DOCK4: variants seen among roughly 807,000 people sequenced by gnomAD.
The protein encoded by DOCK4 is dedicator of cytokinesis protein 4.
Under a neutral mutation model 268.1 loss-of-function variants are expected in DOCK4, and 97 were observed. The ratio of observed to expected loss-of-function variants is 0.36; its 90% CI spans 0.31 to 0.43. DOCK4 has a LOEUF of 0.43. Among genes scored for constraint, DOCK4 ranks in the 20% least tolerant of loss-of-function variants. DOCK4 has a pLI of 1.00. For missense variants in DOCK4, 2,145 were observed against 2,455.7 expected (o/e 0.87, Z 2.67); for synonymous variants, 954 against 887.2 (o/e 1.08, Z -1.34).
chr7:111,913,455 G>A (rs1263110294), intron 13 of DOCK4, among the ~76,000 whole-genome samples: 1 of 149,644 alleles, frequency 6.7e-6, no homozygotes, highest in Non-Finnish European at 1.5e-5. Context: ...TGTCGCCCAG[G>A]CTGGAGTGCA....
intron 1 of DOCK4, among the ~76,000 whole-genome samples, chr7:112,120,111 T>G (rs1171841978): frequency 6.6e-6 from 1 of 152,192 alleles, no homozygotes; most frequent in Non-Finnish European, 1.5e-5. Flanking sequence ...CCTCCCAAAG[T>G]GCTGGGATTA....
intron 23 of DOCK4, among the ~76,000 whole-genome samples, chr7:111,857,885 A>C (rs1805142492): frequency 6.6e-6 from 1 of 152,348 alleles, no homozygotes; most frequent in East Asian, 1.9e-4. Context: ...TTCAGCAAAT[A>C]GGAAGAATAA....
chr7:112,156,254 T>A (rs561873744), intron 1 of DOCK4, among the ~76,000 whole-genome samples: 1 of 152,224 alleles, frequency 6.6e-6, no homozygotes, highest in African/African-American at 2.4e-5. Context: ...ATTAGTTCTC[T>A]CTTCAGTCCT....
chr7:111,840,535 T>G (rs947850538), intron 25 of DOCK4, among the ~76,000 whole-genome samples: 2 of 152,162 alleles, frequency 1.3e-5, no homozygotes, highest in African/African-American at 2.4e-5. Context: ...TTTTTGTTTT[T>G]TTTTTCTAGC....
At chr7:111,980,891 G>A (rs1798559217) in intron 7 of DOCK4, among the ~76,000 whole-genome samples, 1 of 152,234 alleles carries the variant, frequency 6.6e-6, no homozygotes, top group African/African-American at 2.4e-5. Context: ...TAGGAGAGAA[G>A]CTGGCTAATA....
chr7:111,822,666 T>C (rs1255296728), intron 26 of DOCK4, among the ~76,000 whole-genome samples: 1 of 152,222 alleles, frequency 6.6e-6, no homozygotes, highest in African/African-American at 2.4e-5. Context: ...CTTTTCTTTC[T>C]TGGGCACAGT....
chr7:112,173,611 GTAA>G (rs1818259359), intron 1 of DOCK4, among the ~76,000 whole-genome samples: 1 of 152,044 alleles, frequency 6.6e-6, no homozygotes, highest in Admixed American at 6.6e-5. Context: ...TATTAGTTGG[GTAA>G]TATTTAGGAA....
At chr7:111,942,893 C>G (rs2134787620) in intron 10 of DOCK4, among the ~76,000 whole-genome samples, 1 of 152,276 alleles carries the variant, frequency 6.6e-6, no homozygotes, top group Admixed American at 6.5e-5. Context: ...GAGAGGCACC[C>G]TTTCTGCAGA....
chr7:111,899,289 G>A (rs1181052796), intron 15 of DOCK4, among the ~76,000 whole-genome samples: 14 of 152,124 alleles, frequency 9.2e-5, no homozygotes. Context: ...CAAATCTTTT[G>A]GCAAAGCCCC....
intron 8 of DOCK4, among the ~76,000 whole-genome samples, chr7:111,964,081 A>G (rs1320001720): frequency 6.8e-6 from 1 of 147,120 alleles, no homozygotes; most frequent in East Asian, 2.1e-4. Flanking sequence ...AAAGACCAAA[A>G]GTAGATAAAA....
intron 4 of DOCK4, among the ~76,000 whole-genome samples, chr7:111,997,641 C>T (rs1299765190): frequency 6.6e-6 from 1 of 152,128 alleles, no homozygotes; most frequent in Non-Finnish European, 1.5e-5. Context: ...TAATAAATTG[C>T]TATTTATCAC....
intron 44 of DOCK4, among the ~76,000 whole-genome samples, chr7:111,745,709 AAG>A (rs1796217412): frequency 6.6e-6 from 1 of 150,640 alleles, no homozygotes; most frequent in South Asian, 2.1e-4. Flanking sequence ...AAAAAAAAAA[AAG>A]TTGGCATCAA....
chr7:112,123,827 TA>T (rs1319825642), intron 1 of DOCK4, among the ~76,000 whole-genome samples: 1 of 152,118 alleles, frequency 6.6e-6, no homozygotes, highest in Non-Finnish European at 1.5e-5. Flanking sequence ...AAACCTGCTT[TA>T]AAAACTAAAG....
intron 12 of DOCK4, among the ~76,000 whole-genome samples, chr7:111,933,927 A>G (rs746038440): frequency 5.3e-5 from 8 of 152,184 alleles, no homozygotes; most frequent in Non-Finnish European, 8.8e-5. Context: ...CTCTGTCTAC[A>G]GTGGTTTTCT....
In DOCK4 at chr7:111,735,106, C is replaced by G. The variant is rs139961687; in HGVS notation, c.5367G>C (p.Ser1789=). 1.9e-6 allele frequency: 3 copies of G among 1,602,338 alleles called. No individual in the cohort carries two copies. Among genetic ancestry groups the G allele is most frequent in the Non-Finnish European group, 1.7e-6 (2 of 1,174,484 alleles). ...GGGGAGAGATAAGTTTCCCACTATC[C>G]GACATGTTCTTGGCTTCCTTCCCAC... ...LDSGKEAKNM[S]DSGKLISPPV... The change falls in exon 51 of 53, where the codon TCG becomes TCC. Residue 1789 remains serine, a synonymous_variant. Transcript: ENST00000428084.
intron 12 of DOCK4, among the ~76,000 whole-genome samples, chr7:111,933,279 C>CATATATAT (rs1174523261): frequency 7.7e-5 from 7 of 91,218 alleles, no homozygotes; most frequent in African/African-American, 3.6e-4. Context: ...TACATATATA[C>CATATATAT]ATATATATAT....
chr7:112,143,242 A>G (rs1204410077), intron 1 of DOCK4, among the ~76,000 whole-genome samples: 1 of 151,836 alleles, frequency 6.6e-6, no homozygotes, highest in South Asian at 2.1e-4. Context: ...CTAGACACAG[A>G]CGAGACCTCC....
chr7:111,728,449 G>C lies in DOCK4; in HGVS notation c.5753C>G (p.Thr1918Ser). Residue 1918 changes from threonine to serine, a missense_variant, in exon 53 of 53, where the codon ACT (threonine) becomes AGT (serine). Physicochemically the swap from Thr to Ser is moderately conservative, Grantham distance 58. Coordinates refer to ENST00000428084, the MANE Select transcript of DOCK4 (RefSeq NM_001363540.2). ...AGGTAGCGGGACGGGGCGCCGCAGA[G>C]TCCGCTCGTAGACGCTGTACGGGGG... ...TPPPYSVYERTLRRPVPLPHS... is the reference protein window; with the variant it reads ...TPPPYSVYERSLRRPVPLPHS... 1 of 1,604,258 alleles carries C rather than the reference G, an allele frequency of 6.2e-7. No homozygotes were observed. The highest frequency in any genetic ancestry group is 8.5e-7 in the Non-Finnish European group (1 of 1,174,712).
intron 25 of DOCK4, among the ~76,000 whole-genome samples, chr7:111,842,813 C>G (rs1460492504): frequency 6.6e-6 from 1 of 152,160 alleles, no homozygotes; most frequent in Non-Finnish European, 1.5e-5. Flanking sequence ...TCCACCTCAC[C>G]CAGCAGTAAC....
Sources: allele counts gnomAD v4.1 joint callset (sites outside exome capture counted in the v4.1 genomes callset), GRCh38; gene constraint gnomAD v4.1.1; transcripts MANE v1.5; gene names NCBI Gene and HGNC (gene_info 2026-07-23, HGNC 2026-07-21).